TARBP1: variants seen among roughly 807,000 people sequenced by gnomAD.
The protein encoded by TARBP1 is tRNA guanosine 2 -O-methyltransferase TARBP1, also known as tRNA (guanosine(18)-2'-O)-methyltransferase TARBP1.
In TARBP1, 144 loss-of-function variants were observed where a neutral mutation model predicts 178.6. The ratio of observed to expected loss-of-function variants is 0.81; its 90% CI spans 0.70 to 0.93. TARBP1 has a LOEUF of 0.93. TARBP1 is among the 40% of genes least tolerant of loss of function. TARBP1 has a pLI of 0.00. For missense variants in TARBP1, 2,067 were observed against 2,011.7 expected, an observed-to-expected ratio of 1.03 and a Z score of -0.53; for synonymous variants, 787 against 781.0, an observed-to-expected ratio of 1.01 and a Z score of -0.13.
chr1:234,457,334 A>G (rs1433448404), intron 9 of TARBP1, among the ~76,000 whole-genome samples: 7 of 152,194 alleles, frequency 4.6e-5, no homozygotes, highest in Non-Finnish European at 1.0e-4. Context: ...GAAAAAAGAG[A>G]AAGAGGAGTT....
chr1:234,478,446 A>G lies in TARBP1; in HGVS notation c.658T>C (p.Ser220Pro). The G allele has an allele frequency of 2.2e-6, 3 of 1,388,060 alleles. No homozygotes were observed. The highest frequency in any genetic ancestry group is 2.8e-6 in the Non-Finnish European group (3 of 1,067,090). 86.0% of individuals were successfully genotyped at this position (1,388,060 alleles called of 1,614,324 possible). ...VWGGLAAPGA[S>P]LGSGRVEEKL... Reference sequence around the variant, plus strand: ...TCCTCTACGCGGCCGGACCCCAGGGACGCCCCAGGCGCGGCCAGCCCGCCC... The same window carrying G: ...TCCTCTACGCGGCCGGACCCCAGGGGCGCCCCAGGCGCGGCCAGCCCGCCC... Residue 220 changes from serine to proline, a missense_variant, in exon 1 of 30, where the codon TCC becomes CCC. Ser to Pro is a moderately conservative substitution (Grantham distance 74). Coordinates refer to ENST00000040877, the MANE Select transcript of TARBP1 (RefSeq NM_005646.4).
Position 234,427,545 on chromosome 1 carries a change from T to C in TARBP1, c.3251+31A>G, listed in dbSNP as rs371582273. ...ACCCAAGTAGGCACTTAATACAAGT[T>C]ATGACCAGTTGAAATAATAGCATCT... On this transcript the variant is annotated intron_variant, in intron 18 of 29. Coordinates refer to ENST00000040877, the MANE Select transcript of TARBP1 (RefSeq NM_005646.4). The C allele has an allele frequency of 1.9e-6, 3 of 1,575,092 alleles. No homozygotes were observed. The African/African-American group carries it at 4.1e-5, about 22-fold the overall frequency.
rs761980844 is a variant in TARBP1, at chr1:234,425,674, TTATC to T, written c.3439_3442del (p.Asp1147LysfsTer4). On this transcript the variant is annotated frameshift_variant and splice_region_variant, in exon 20 of 30. Transcript: ENST00000040877. LOFTEE classifies it high-confidence loss of function. ...TAATTTAAAGTAAAATACACTTACT[TTATC>T]TAATAGCTTGATTGCAAGATCCTCA... 9 of 1,610,586 alleles carry T rather than the reference TTATC, an allele frequency of 5.6e-6. No individual in the cohort carries two copies. Among genetic ancestry groups the T allele is most frequent in the Middle Eastern group, 1.7e-4 (1 of 5,932 alleles).
chr1:234,469,536 T>C (rs1457156970), intron 3 of TARBP1, among the ~76,000 whole-genome samples: 1 of 152,350 alleles, frequency 6.6e-6, no homozygotes, highest in South Asian at 2.1e-4. Context: ...AAAATCCCAG[T>C]GTATCAGAAA....
intron 13 of TARBP1, among the ~76,000 whole-genome samples, chr1:234,433,917 T>C (rs757973660): frequency 6.6e-6 from 1 of 152,226 alleles, no homozygotes; most frequent in Non-Finnish European, 1.5e-5. Context: ...ATAATGGTTA[T>C]AGCAATGACT....
At chr1:234,413,515 G>A (rs1662083686) in intron 22 of TARBP1, among the ~76,000 whole-genome samples, 1 of 152,168 alleles carries the variant, frequency 6.6e-6, no homozygotes, top group African/African-American at 2.4e-5. Context: ...GCTAAGCTTT[G>A]GAGAGTTCTA....
intron 12 of TARBP1, 85 bp from the exon 13 acceptor site, chr1:234,437,457 T>C: frequency 1.6e-6 from 1 of 616,174 alleles, no homozygotes; most frequent in Non-Finnish European, 2.8e-6. Flanking sequence ...AATGTACAAC[T>C]GGGCTAAGCA....
chr1:234,443,756 G>T (rs1558215568), intron 12 of TARBP1, among the ~76,000 whole-genome samples: 1 of 152,168 alleles, frequency 6.6e-6, no homozygotes, highest in Non-Finnish European at 1.5e-5. Context: ...CCAAACAACA[G>T]AATATTATTT....
At chr1:234,448,697 A>C in intron 10 of TARBP1, 118 bp from the exon 11 acceptor site, 2 of 735,460 alleles carry the variant, frequency 2.7e-6, no homozygotes, top group Non-Finnish European at 4.6e-6. Context: ...GAGAAATACA[A>C]CCGAGATGAA....
At position 234,393,734 on chromosome 1, in the gene TARBP1, CAG is replaced by C. The variant is rs1193961266; in HGVS notation, c.4345_4346del (p.Leu1449ValfsTer13). ...CAAGTCTGGCAGCACGATCCTGAAA[CAG>C]GAGCTCCAGGTCTAAGTCGGAAACA... ...SRVSDLDLEL[L>X]FQDRAARLGK... On this transcript the variant is annotated frameshift_variant, in exon 27 of 30. Coordinates refer to ENST00000040877, the MANE Select transcript of TARBP1 (RefSeq NM_005646.4). LOFTEE classifies it high-confidence loss of function. 6.2e-7 allele frequency: 1 copy of C among 1,614,046 alleles called. No homozygotes were observed.
At chr1:234,402,742 CTTT>C (rs1041018266) in intron 24 of TARBP1, among the ~76,000 whole-genome samples, 2 of 151,812 alleles carry the variant, frequency 1.3e-5, no homozygotes, top group East Asian at 1.9e-4. Context: ...ACCCCGCTAA[CTTT>C]TTTTTATTAT....
intron 14 of TARBP1, 127 bp downstream of exon 14, chr1:234,433,283 G>T: frequency 1.0e-6 from 1 of 966,572 alleles, no homozygotes; most frequent in Non-Finnish European, 1.5e-6. Flanking sequence ...ATCACTAGAG[G>T]GTATATTTTA....
Position 234,448,541 on chromosome 1 carries a change from T to C in TARBP1, c.1900A>G (p.Lys634Glu), listed in dbSNP as rs747657417. 6.2e-7 allele frequency: 1 copy of C among 1,614,082 alleles called. No individual in the cohort carries two copies. The highest frequency in any genetic ancestry group is 8.5e-7 in the Non-Finnish European group (1 of 1,180,008). The change falls in exon 11 of 30, where the codon AAG (lysine) becomes GAG (glutamate). Residue 634 changes from lysine (K) to glutamate (E), a missense_variant. Lys to Glu is a moderately conservative substitution (Grantham distance 56). Transcript: ENST00000040877. ...AGCAAGACCATCAGAGAAACAAGCT[T>C]GGCTTCAAACCAATCAGGCATAAAG... Reference protein sequence around the residue: ...NCFMPDWFEAKLVSLMVLLAV... With the variant: ...NCFMPDWFEAELVSLMVLLAV...
chr1:234,465,795 C>T, intron 4 of TARBP1, 87 bp from the exon 5 acceptor site: 1 of 1,243,420 alleles, frequency 8.0e-7, no homozygotes, highest in Non-Finnish European at 1.1e-6. Context: ...GAACATCCTA[C>T]ACAGGCTTAC....
chr1:234,463,054 G>A (rs1668048199), intron 6 of TARBP1, among the ~76,000 whole-genome samples: 1 of 152,154 alleles, frequency 6.6e-6, no homozygotes, highest in African/African-American at 2.4e-5. Flanking sequence ...TCATTAGAAT[G>A]AACACTACAT....
intron 24 of TARBP1, among the ~76,000 whole-genome samples, chr1:234,404,954 T>C (rs1661060659): frequency 6.6e-6 from 1 of 152,192 alleles, no homozygotes; most frequent in Non-Finnish European, 1.5e-5. Flanking sequence ...AAAGGTACAT[T>C]GCGGGCCAGG....
chr1:234,432,089 T>C (rs1289245329), intron 14 of TARBP1, among the ~76,000 whole-genome samples: 1 of 135,938 alleles, frequency 7.4e-6, no homozygotes, highest in Non-Finnish European at 1.5e-5. Flanking sequence ...GTGAGCCAAC[T>C]GCACAACTGC....
Position 234,433,410 on chromosome 1 carries a change from C to T in TARBP1, c.2394G>A (p.Gln798=), listed in dbSNP as rs1572307925. 1.2e-6 allele frequency: 2 copies of T among 1,613,522 alleles called. No individual in the cohort carries two copies. The highest frequency in any genetic ancestry group is 4.5e-5 in the East Asian group (2 of 44,870). ...IQHLQEMDSG[Q]EPTVGSQIQR... ...CAAACCTTGAATCAAAGAGGCTTAC[C>T]TGTCCACTGTCCATCTCTTGAAGAT... The change falls in exon 14 of 30, where the codon CAG becomes CAA. Residue 798 remains glutamine, a splice_region_variant and synonymous_variant. Transcript: ENST00000040877.
chr1:234,419,127 C>T (rs990760904), intron 21 of TARBP1, among the ~76,000 whole-genome samples: 9 of 151,766 alleles, frequency 5.9e-5, no homozygotes, highest in African/African-American at 1.7e-4. Flanking sequence ...GAGCCGAGAT[C>T]GTGCCACTGC....
Sources: gnomAD v4.1 joint callset for allele counts (sites outside exome capture counted in the v4.1 genomes callset) on GRCh38, gnomAD v4.1.1 for gene constraint, MANE v1.5 for transcripts, NCBI Gene and HGNC (gene_info 2026-07-23, HGNC 2026-07-21) for gene names.